The following SHANK2 variants were observed in gnomAD, a reference collection of about 807,000 sequenced individuals.
SHANK2 encodes the protein SH3 and multiple ankyrin repeat domains protein 2.
In SHANK2, 43 loss-of-function variants were observed where a neutral mutation model predicts 133.7. The observed-to-expected ratio is 0.32, with a 90% CI of 0.25 to 0.41. The LOEUF (loss-of-function observed/expected upper bound fraction) is 0.41, where lower values mean the gene tolerates loss of function less well. Among genes scored for constraint, SHANK2 ranks in the 10% least tolerant of loss-of-function variants. The pLI, the probability that SHANK2 is intolerant of heterozygous loss-of-function variation, is 1.00. For missense variants in SHANK2, 1,994 were observed against 2,235.8 expected (o/e 0.89, Z 2.18); for synonymous variants, 1,017 against 952.8 (o/e 1.07, Z -1.24).
intron 14 of SHANK2, among the ~76,000 whole-genome samples, chr11:70,736,702 G>A (rs1946411906): frequency 6.6e-6 from 1 of 152,148 alleles, no homozygotes. Context: ...GAGCCACCCA[G>A]TTTGTGGTCC....
chr11:70,955,422 G>GGT (rs1186144718), intron 10 of SHANK2, among the ~76,000 whole-genome samples: 5,017 of 146,440 alleles, frequency 0.034, 150 homozygotes, highest in African/African-American at 0.081. Context: ...AGACCCACGG[G>GGT]GTGTGTGTGT....
intron 2 of SHANK2, among the ~76,000 whole-genome samples, chr11:71,182,272 A>T (rs1332080098): frequency 1.3e-5 from 2 of 152,234 alleles, no homozygotes; most frequent in African/African-American, 4.8e-5. Context: ...GAGCAGAAAC[A>T]GTGCCTGTCT....
At chr11:71,120,198 CTG>C (rs1555101207) in intron 3 of SHANK2, among the ~76,000 whole-genome samples, 1 of 152,194 alleles carries the variant, frequency 6.6e-6, no homozygotes, top group East Asian at 1.9e-4. Flanking sequence ...CAGGTCCCCT[CTG>C]TGAGACTCAC....
At chr11:70,680,520 C>T (rs1159732882) in intron 15 of SHANK2, among the ~76,000 whole-genome samples, 1 of 152,202 alleles carries the variant, frequency 6.6e-6, no homozygotes, top group Admixed American at 6.5e-5. Flanking sequence ...GCCTCTGACC[C>T]CCTGCCCTCT....
chr11:70,908,284 C>T (rs3020090), intron 10 of SHANK2, among the ~76,000 whole-genome samples: 49,876 of 152,000 alleles, frequency 0.33, 10,966 homozygotes, highest in African/African-American at 0.63. Context: ...GGCTGGCACA[C>T]GCAGGATGGC....
intron 5 of SHANK2, among the ~76,000 whole-genome samples, chr11:71,110,687 C>G (rs1555099016): frequency 6.6e-6 from 1 of 152,214 alleles, no homozygotes; most frequent in East Asian, 1.9e-4. Flanking sequence ...ACCACAAGCC[C>G]TGAGGCTCCT....
At chr11:71,091,494 CCAAG>C (rs2135106403) in intron 8 of SHANK2, among the ~76,000 whole-genome samples, 1 of 152,254 alleles carries the variant, frequency 6.6e-6, no homozygotes, top group African/African-American at 2.4e-5. Flanking sequence ...GTGTAGAGAA[CCAAG>C]CAAGAAACCA....
intron 17 of SHANK2, among the ~76,000 whole-genome samples, chr11:70,571,818 G>A (rs551794208): frequency 7.2e-5 from 11 of 152,132 alleles, no homozygotes; most frequent in African/African-American, 2.2e-4. Flanking sequence ...AGGAGGAGTG[G>A]AGACGAGGGG....
At chr11:70,890,571 G>A (rs1157119042) in intron 11 of SHANK2, among the ~76,000 whole-genome samples, 3 of 151,422 alleles carry the variant, frequency 2.0e-5, no homozygotes, top group South Asian at 2.1e-4. Flanking sequence ...AGGCTGAGGC[G>A]GGCGGATCAC....
At chr11:70,589,894 C>T (rs2060299636) in intron 17 of SHANK2, among the ~76,000 whole-genome samples, 1 of 152,200 alleles carries the variant, frequency 6.6e-6, no homozygotes, top group Non-Finnish European at 1.5e-5. Context: ...TGGCTCACGC[C>T]TGTAATCCCA....
intron 11 of SHANK2, among the ~76,000 whole-genome samples, chr11:70,849,166 A>T (rs1183688480): frequency 1.3e-5 from 2 of 152,166 alleles, no homozygotes; most frequent in African/African-American, 2.4e-5. Flanking sequence ...ATACACCCAT[A>T]GGCAGGGTGT....
intron 17 of SHANK2, among the ~76,000 whole-genome samples, chr11:70,521,222 A>G (rs1209134273): frequency 6.6e-6 from 1 of 152,246 alleles, no homozygotes; most frequent in Admixed American, 6.5e-5. Flanking sequence ...CATTAAGGTC[A>G]TGATCTATTT....
chr11:70,756,045 A>T (rs1026102281), intron 14 of SHANK2, among the ~76,000 whole-genome samples: 3 of 152,076 alleles, frequency 2.0e-5, no homozygotes, highest in Non-Finnish European at 4.4e-5. Flanking sequence ...GATCTTGCGG[A>T]GATGGCTCTG....
At chr11:70,803,770 T>A (rs1334137818) in intron 13 of SHANK2, among the ~76,000 whole-genome samples, 1 of 141,752 alleles carries the variant, frequency 7.1e-6, no homozygotes, top group African/African-American at 2.7e-5. Context: ...GAGGGAAGAA[T>A]GTGCCAGGCA....
chr11:70,538,710 G>A (rs1173239800), intron 17 of SHANK2, among the ~76,000 whole-genome samples: 1 of 152,188 alleles, frequency 6.6e-6, no homozygotes, highest in Non-Finnish European at 1.5e-5. Flanking sequence ...GCTCCAGGGG[G>A]AGATAAGATC....
At chr11:70,638,772 C>T (rs1234597659) in intron 17 of SHANK2, among the ~76,000 whole-genome samples, 1 of 151,970 alleles carries the variant, frequency 6.6e-6, no homozygotes, top group Non-Finnish European at 1.5e-5. Flanking sequence ...TTTAGAAGGC[C>T]GAGGCGGGTG....
chr11:70,504,905 C>T (rs886138019), intron 17 of SHANK2, among the ~76,000 whole-genome samples: 7 of 152,092 alleles, frequency 4.6e-5, no homozygotes, highest in South Asian at 2.1e-4. Flanking sequence ...TGAGCACACC[C>T]GGGTAGTGGC....
At chr11:71,070,272 A>T (rs1264387302) in intron 9 of SHANK2, among the ~76,000 whole-genome samples, 3 of 152,260 alleles carry the variant, frequency 2.0e-5, no homozygotes, top group Non-Finnish European at 4.4e-5. Flanking sequence ...CTAGAACCCT[A>T]AGGAGGAGTA....
chr11:70,477,145 CACTT>C (rs2058674638), intron 25 of SHANK2: 2 of 152,066 alleles, frequency 1.3e-5, no homozygotes, highest in Non-Finnish European at 2.9e-5. Flanking sequence ...CAGCAGGTGG[CACTT>C]ACTTCTGTTC....
Sources: gnomAD v4.1 joint callset for allele counts (sites outside exome capture counted in the v4.1 genomes callset) on GRCh38, gnomAD v4.1.1 for gene constraint, MANE v1.5 for transcripts, NCBI Gene and HGNC (gene_info 2026-07-23, HGNC 2026-07-21) for gene names.